The following SV2B variants were observed in gnomAD, a reference collection of about 807,000 sequenced individuals.
SV2B encodes the protein synaptic vesicle glycoprotein 2B.
A neutral mutation model predicts 73.9 loss-of-function variants in SV2B; 41 were observed. The observed-to-expected ratio is 0.56, with a 90% CI of 0.43 to 0.72. The LOEUF is 0.72. Among genes scored for constraint, SV2B ranks in the 30% least tolerant of loss-of-function variants. The probability of loss-of-function intolerance (pLI) is 0.00; values close to 1 mark genes in which losing one functional copy is unlikely to be tolerated. For synonymous variants in SV2B, 314 were observed against 314.2 expected, an observed-to-expected ratio of 1.00 and a Z score of 0.01; for missense variants, 764 against 857.8, an observed-to-expected ratio of 0.89 and a Z score of 1.37.
At position 91,288,660 on chromosome 15, in the gene SV2B, C is replaced by T. The variant is rs571603662; in HGVS notation, c.1709-861C>T. ...TTCTTTCTTTCTCTCTCTCTCTCTC[C>T]TTCCTTCCTTCCTTCTTTTTCTCTT... On this transcript the variant is annotated intron_variant, in intron 11 of 12. Coordinates refer to ENST00000394232, the MANE Select transcript of SV2B (RefSeq NM_001323032.3). The surrounding 1 kb of genome is among the most constrained non-coding windows in gnomAD (Gnocchi z 5.8). Among the ~76,000 whole-genome samples, 5 of 146,984 alleles carry T rather than the reference C, an allele frequency of 3.4e-5. No homozygotes were observed. The East Asian group carries it at 9.9e-4, about 29-fold the overall frequency.
rs1475969217 is a variant in SV2B at position 91,261,111 on chromosome 15, A to C, written c.1008+702A>C. Among the ~76,000 whole-genome samples, 1 of 152,124 alleles carries C rather than the reference A, an allele frequency of 6.6e-6. No individual in the cohort carries two copies. Among genetic ancestry groups the C allele is most frequent in the East Asian group, 1.9e-4 (1 of 5,192 alleles). On this transcript the variant is annotated intron_variant, in intron 6 of 12. Transcript: ENST00000394232. The surrounding 1 kb of genome is among the most constrained non-coding windows in gnomAD (Gnocchi z 4.7). ...CCCCATGTCTACTAAAAATACAAAA[A>C]AATCAGCTGGGCATGGTGGCGGGTA...
In SV2B at chr15:91,267,169, A is replaced by G. The variant is rs1350664736; in HGVS notation, c.1120-386A>G. Among the ~76,000 whole-genome samples the G allele has an allele frequency of 6.6e-6, 1 of 152,224 alleles. No individual in the cohort carries two copies. Reference sequence around the variant, plus strand: ...TGAGGCAGCCAGACAGCCAGCGTCTATTGGGACTGGTTGGCCTTCATGGTG... The same window carrying G: ...TGAGGCAGCCAGACAGCCAGCGTCTGTTGGGACTGGTTGGCCTTCATGGTG... On this transcript the variant is annotated intron_variant, in intron 7 of 12. Transcript: ENST00000394232. The surrounding 1 kb of genome is among the most constrained non-coding windows in gnomAD (Gnocchi z 4.3).
At position 91,251,807 on chromosome 15, in the gene SV2B, C is replaced by T. The variant is rs990093560; in HGVS notation, c.452-12C>T. ...TTCTCTCTATTCTCTCCTCTCCTCC[C>T]CCTCATTGCAGGGATGATAGTCTAC... On this transcript the variant is annotated splice_polypyrimidine_tract_variant and intron_variant, in intron 2 of 12. Coordinates refer to ENST00000394232, the MANE Select transcript of SV2B (RefSeq NM_001323032.3). 3.7e-6 allele frequency: 6 copies of T among 1,612,996 alleles called. No individual in the cohort carries two copies. The African/African-American group carries it at 8.0e-5, about 22-fold the overall frequency.
At chr15:91,259,193 C>T (rs531442367) in intron 5 of SV2B, among the ~76,000 whole-genome samples, 1 of 152,298 alleles carries the variant, frequency 6.6e-6, no homozygotes, top group South Asian at 2.1e-4. Context: ...TGGTACAGCT[C>T]GTTGCTGCTC....
At chr15:91,167,855 G>T (rs1407409267) in intron 1 of SV2B, among the ~76,000 whole-genome samples, 1 of 152,164 alleles carries the variant, frequency 6.6e-6, no homozygotes, top group Non-Finnish European at 1.5e-5. Flanking sequence ...TATGAAGAAT[G>T]TTCATTTCTT....
chr15:91,156,802 G>A (rs111658835), intron 1 of SV2B, among the ~76,000 whole-genome samples: 102 of 152,324 alleles, frequency 6.7e-4, no homozygotes, highest in African/African-American at 2.4e-3. Context: ...CCAGGGTGCA[G>A]TATCTTTGCA....
At chr15:91,149,573 A>C (rs566528572) in intron 1 of SV2B, among the ~76,000 whole-genome samples, 1 of 152,192 alleles carries the variant, frequency 6.6e-6, no homozygotes, top group Non-Finnish European at 1.5e-5. Flanking sequence ...AGACTTTACA[A>C]CCTGAATCAC....
rs568168575 is a variant in SV2B, at chr15:91,197,762, G to A, written c.-391-28111G>A. ...GTTTAAAAAATATGCAGCCAGGCCC[G>A]GTGGCCCACGCCTGTAATCCCAGCA... On this transcript the variant is annotated intron_variant, in intron 1 of 12. Transcript: ENST00000394232. The surrounding 1 kb of genome is among the most constrained non-coding windows in gnomAD (Gnocchi z 4.9). Among the ~76,000 whole-genome samples the A allele has an allele frequency of 2.1e-3, 314 of 152,214 alleles. 2 individuals are homozygous for A. Among genetic ancestry groups the A allele is most frequent in the Non-Finnish European group, 3.7e-3 (252 of 68,000 alleles).
intron 1 of SV2B, among the ~76,000 whole-genome samples, chr15:91,202,784 G>A (rs2045506739): frequency 6.6e-6 from 1 of 152,196 alleles, no homozygotes; most frequent in African/African-American, 2.4e-5. Flanking sequence ...AAAGGTTGTA[G>A]AGTTGGCCTG....
chr15:91,257,112 G>A (rs558605819), intron 4 of SV2B, among the ~76,000 whole-genome samples: 1 of 151,990 alleles, frequency 6.6e-6, no homozygotes, highest in East Asian at 1.9e-4. Context: ...TTATAACCTC[G>A]GCTCTATTTT....
At chr15:91,127,246 A>G (rs2151753342) in intron 1 of SV2B, among the ~76,000 whole-genome samples, 1 of 152,274 alleles carries the variant, frequency 6.6e-6, no homozygotes, top group Non-Finnish European at 1.5e-5. Flanking sequence ...TGGGATGCTT[A>G]GCTTCATCTC....
intron 1 of SV2B, among the ~76,000 whole-genome samples, chr15:91,109,440 A>T (rs1345529005): frequency 6.6e-6 from 1 of 152,236 alleles, no homozygotes; most frequent in Non-Finnish European, 1.5e-5. Flanking sequence ...CCTAGGTGTG[A>T]TAGGTGTGAT....
rs957156443 is a variant in SV2B at position 91,197,353 on chromosome 15, C to T, written c.-391-28520C>T. ...AAGCAATCCTCCTGCCTCAGCCTCCCGAGTAGCTGGGATTACAGGGGTCCG... is the reference window on the plus strand; with the variant it reads ...AAGCAATCCTCCTGCCTCAGCCTCCTGAGTAGCTGGGATTACAGGGGTCCG... On this transcript the variant is annotated intron_variant, in intron 1 of 12. Coordinates refer to ENST00000394232, the MANE Select transcript of SV2B (RefSeq NM_001323032.3). The surrounding 1 kb of genome is among the most constrained non-coding windows in gnomAD (Gnocchi z 4.9). Among the ~76,000 whole-genome samples, 4 of 152,054 alleles carry T rather than the reference C, an allele frequency of 2.6e-5. No homozygotes were observed. Among genetic ancestry groups the T allele is most frequent in the South Asian group, 4.2e-4 (2 of 4,810 alleles).
At chr15:91,103,611 A>T (rs1488750503) in intron 1 of SV2B, among the ~76,000 whole-genome samples, 1 of 152,226 alleles carries the variant, frequency 6.6e-6, no homozygotes, top group African/African-American at 2.4e-5. Flanking sequence ...CTCTAGAGAA[A>T]ACATGGTTTG....
At chr15:91,255,491 G>A (rs914137935) in intron 4 of SV2B, among the ~76,000 whole-genome samples, 1 of 152,114 alleles carries the variant, frequency 6.6e-6, no homozygotes, top group African/African-American at 2.4e-5. Flanking sequence ...AGGGGGTGAG[G>A]TATAAAAGAC....
intron 1 of SV2B, among the ~76,000 whole-genome samples, chr15:91,193,786 G>A (rs913682140): frequency 6.6e-6 from 1 of 152,144 alleles, no homozygotes; most frequent in South Asian, 2.1e-4. Context: ...CACTGGAATG[G>A]ACTTAAATGA....
At chr15:91,246,761 T>G (rs2047250292) in intron 2 of SV2B, among the ~76,000 whole-genome samples, 4 of 151,868 alleles carry the variant, frequency 2.6e-5, no homozygotes, top group Non-Finnish European at 4.4e-5. Context: ...CTTCTCCTCT[T>G]CCTCCTTTGC....
chr15:91,116,378 T>C (rs2042178492), intron 1 of SV2B, among the ~76,000 whole-genome samples: 1 of 152,230 alleles, frequency 6.6e-6, no homozygotes, highest in African/African-American at 2.4e-5. Context: ...TGCTTTGCTA[T>C]TGTCACGTTA....
rs976437159 is a variant in SV2B at position 91,267,709 on chromosome 15, G to C, written c.1208+66G>C. ...TCAGTGGCCTCCTTTACACATTGAG[G>C]ATTACAGTGAGTTCTGACTTAGAAT... On this transcript the variant is annotated intron_variant, in intron 8 of 12. Transcript: ENST00000394232. The surrounding 1 kb of genome is among the most constrained non-coding windows in gnomAD (Gnocchi z 4.3). The C allele has an allele frequency of 3.2e-6, 4 of 1,268,586 alleles. No homozygotes were observed. In the African/African-American group the frequency reaches 5.9e-5, roughly 19 times the overall value. The allele number at this position is 1,268,586 out of a possible 1,614,324, so 78.6% of individuals were successfully genotyped here.
Sources: gnomAD v4.1 joint callset for allele counts (sites outside exome capture counted in the v4.1 genomes callset) on GRCh38, gnomAD v4.1.1 for gene constraint, Gnocchi (gnomAD v3.1) non-coding constraint, MANE v1.5 for transcripts, NCBI Gene and HGNC (gene_info 2026-07-23, HGNC 2026-07-21) for gene names.